The following PANK1 variants were observed in gnomAD, a reference collection of about 807,000 sequenced individuals.
PANK1 encodes the protein pantothenate kinase 1.
Under a neutral mutation model 40.1 loss-of-function variants are expected in PANK1, and 18 were observed. The observed-to-expected ratio is 0.45, with a 90% confidence interval of 0.31 to 0.67. The LOEUF (loss-of-function observed/expected upper bound fraction) is 0.67, where lower values mean the gene tolerates loss of function less well. PANK1 is among the 30% of genes least tolerant of loss of function. PANK1 has a pLI of 0.06. For synonymous variants in PANK1, 242 were observed against 237.7 expected (o/e 1.02, Z -0.17); for missense variants, 457 against 599.6 (o/e 0.76, Z 2.48).
intron 1 of PANK1, among the ~76,000 whole-genome samples, chr10:89,614,193 A>G (rs1845249342): frequency 6.6e-6 from 1 of 152,212 alleles, no homozygotes; most frequent in African/African-American, 2.4e-5. Context: ...AGAGAGGCGA[A>G]GATGCCTACA....
rs1326117309 is a variant in PANK1 at position 89,599,260 on chromosome 10, T to A, written c.891A>T (p.Thr297=). The A allele has an allele frequency of 1.2e-6, 2 of 1,613,760 alleles. No individual in the cohort carries two copies. Among genetic ancestry groups the A allele is most frequent in the East Asian group, 4.5e-5 (2 of 44,892 alleles). ...AGCAGAAACATGTTTACCTGGTCCC[T>A]GTAACTCTTTTATAGTTGTCCTTGG... The part of the protein sequence containing the change: ...VYSKDNYKRV[T]GTSLGGGTFL... The change falls in exon 3 of 7, where the codon ACA becomes ACT. Residue 297 remains threonine (T), a synonymous_variant. Coordinates refer to ENST00000307534, the MANE Select transcript of PANK1 (RefSeq NM_148977.3).
At chr10:89,594,453 G>A (rs11185777) in intron 3 of PANK1, among the ~76,000 whole-genome samples, 35,380 of 152,166 alleles carry the variant, frequency 0.23, 4,409 homozygotes, top group East Asian at 0.5. Context: ...TCAAAGCTAT[G>A]AAGCCAAACC....
In PANK1 at chr10:89,611,913, T is replaced by C. The variant is rs1845167504; in HGVS notation, c.428A>G (p.Asn143Ser). The C allele has an allele frequency of 6.2e-7, 1 of 1,614,202 alleles. No homozygotes were observed. Among genetic ancestry groups the C allele is most frequent in the Non-Finnish European group, 8.5e-7 (1 of 1,180,042 alleles). Residue 143 changes from asparagine (N) to serine (S), a missense_variant, in exon 2 of 7, where the codon AAT becomes AGT. By Grantham distance (46) the Asn-to-Ser change is conservative. Around this residue, in one of 4 missense-constraint regions of PANK1, gnomAD observed 286 missense variants for 415.8 expected, o/e 0.69. Transcript: ENST00000307534. ...GATCCCAGTTTTCCCATAAGCAGTA[T>C]TAGAAGTCAAATACTTCCGGATGCT... ...LKSIRKYLTS[N>S]TAYGKTGIRD...
chr10:89,633,955 A>G (rs11185824), intron 1 of PANK1, among the ~76,000 whole-genome samples: 7,880 of 152,230 alleles, frequency 0.052, 430 homozygotes, highest in South Asian at 0.15. Flanking sequence ...GCAGGCAAGA[A>G]TATTGGTCTT....
At chr10:89,630,545 T>G (rs565779264) in intron 1 of PANK1, among the ~76,000 whole-genome samples, 21 of 150,470 alleles carry the variant, frequency 1.4e-4, no homozygotes, top group Non-Finnish European at 2.9e-4. Context: ...CAGGCTGGAG[T>G]GCAGCGGCGC....
At position 89,583,255 on chromosome 10, in the gene PANK1, A is replaced by G. The variant is rs1035470873; in HGVS notation, c.*1151T>C. ...TCAGTCTTAATGAAATCTTTCAAAA[A>G]GAAAAAATATATAGATCAGTATAAA... On this transcript the variant is annotated 3_prime_UTR_variant, in exon 7 of 7. Transcript: ENST00000307534. The G allele has an allele frequency of 3.9e-5, 6 of 152,242 alleles. No homozygotes were observed. Among genetic ancestry groups the G allele is most frequent in the Non-Finnish European group, 8.8e-5 (6 of 68,028 alleles). The allele number at this position is 152,242 out of a possible 1,614,324, so 9.4% of individuals were successfully genotyped here. A position where few individuals can be genotyped will look rare whatever the true frequency, so the allele number is the denominator to read the frequency against.
chr10:89,610,843 G>A (rs1033931733), intron 2 of PANK1, among the ~76,000 whole-genome samples: 2 of 151,988 alleles, frequency 1.3e-5, no homozygotes, highest in African/African-American at 4.8e-5. Flanking sequence ...TGTTTATCTA[G>A]CTTCCCTTCC....
At chr10:89,640,696 AT>A in intron 1 of PANK1, among the ~76,000 whole-genome samples, 1 of 152,348 alleles carries the variant, frequency 6.6e-6, no homozygotes, top group Non-Finnish European at 1.5e-5. Context: ...CACACAAAAT[AT>A]TAAAATGCAG....
chr10:89,644,504 G>T, intron 1 of PANK1, 96 bp downstream of exon 1: 1 of 1,103,304 alleles, frequency 9.1e-7, no homozygotes, highest in Non-Finnish European at 1.3e-6. Flanking sequence ...GGGGGCGCAC[G>T]GGGCGTGCTG....
rs1455935736 is a variant in PANK1, at chr10:89,616,619, A to G, written c.293-4571T>C. ...CACTCTGGCCTGGGCAGCAAAGCGAAAATCCATCTCTTAAAAAAAAAAGAC... is the reference window on the plus strand; with the variant it reads ...CACTCTGGCCTGGGCAGCAAAGCGAGAATCCATCTCTTAAAAAAAAAAGAC... On this transcript the variant is annotated intron_variant, in intron 1 of 6. Transcript: ENST00000307534. Among the ~76,000 whole-genome samples, 3 of 152,100 alleles carry G rather than the reference A, an allele frequency of 2.0e-5. No individual in the cohort carries two copies. In the East Asian group the frequency reaches 5.8e-4, roughly 29 times the overall value.
intron 1 of PANK1, among the ~76,000 whole-genome samples, chr10:89,641,793 C>T (rs2133038422): frequency 6.7e-6 from 1 of 150,304 alleles, no homozygotes; most frequent in Non-Finnish European, 1.5e-5. Context: ...AAAATCAGCA[C>T]AAGGCAAAAA....
chr10:89,601,382 G>A (rs998000951), intron 2 of PANK1, among the ~76,000 whole-genome samples: 1 of 150,278 alleles, frequency 6.7e-6, no homozygotes, highest in Non-Finnish European at 1.5e-5. Context: ...TTGGGAGGCT[G>A]AGGTGGGAGG....
chr10:89,595,909 C>T (rs1327962975), intron 3 of PANK1, among the ~76,000 whole-genome samples: 3 of 134,520 alleles, frequency 2.2e-5, no homozygotes, highest in Non-Finnish European at 3.1e-5. Context: ...TACACACACA[C>T]ATATATATAT....
At chr10:89,600,906 T>C (rs1270587835) in intron 2 of PANK1, among the ~76,000 whole-genome samples, 1 of 152,242 alleles carries the variant, frequency 6.6e-6, no homozygotes, top group African/African-American at 2.4e-5. Context: ...AAGTATTTAC[T>C]GTTTACTACA....
rs565184816 is a variant in PANK1, at chr10:89,617,617, A to G, written c.293-5569T>C. Among the ~76,000 whole-genome samples the G allele has an allele frequency of 9.2e-5, 14 of 152,358 alleles. No homozygotes were observed. In the South Asian group the frequency reaches 2.9e-3, roughly 32 times the overall value. On this transcript the variant is annotated intron_variant, in intron 1 of 6. Transcript: ENST00000307534. ...CTGTTAACACTCTGAAAGGGTTAAG[A>G]TGTCTCCAATAAAGATACAGTTGAC...
downstream of PANK1, chr10:89,582,519 T>C (rs1251986647): frequency 6.6e-6 from 1 of 152,246 alleles, no homozygotes; most frequent in Non-Finnish European, 1.5e-5. Flanking sequence ...CTGATTTCCT[T>C]TGTAGAACCA....
chr10:89,605,443 A>C (rs1844933742), intron 2 of PANK1, among the ~76,000 whole-genome samples: 1 of 152,190 alleles, frequency 6.6e-6, no homozygotes, highest in African/African-American at 2.4e-5. Context: ...TTGTCATTTC[A>C]ACAACGTTCA....
chr10:89,591,029 C>T (rs563457284), intron 5 of PANK1, among the ~76,000 whole-genome samples: 3 of 152,080 alleles, frequency 2.0e-5, no homozygotes, highest in South Asian at 2.1e-4. Flanking sequence ...CTCTCCTTTA[C>T]ATATGTTTAT....
chr10:89,584,853 G>C (rs1161262133), intron 6 of PANK1, among the ~76,000 whole-genome samples: 2 of 152,132 alleles, frequency 1.3e-5, no homozygotes, highest in South Asian at 2.1e-4. Context: ...TACCAAATCT[G>C]TCTGACTTTA....
Sources: allele counts gnomAD v4.1 joint callset (sites outside exome capture counted in the v4.1 genomes callset), GRCh38; gene constraint gnomAD v4.1.1; regional missense constraint gnomAD v4.1.1; transcripts MANE v1.5; gene names NCBI Gene and HGNC (gene_info 2026-07-23, HGNC 2026-07-21).